The following NALCN variants were observed in gnomAD, a reference collection of about 807,000 sequenced individuals.
NALCN encodes sodium leak channel, non-selective, also known as sodium leak channel NALCN.
Under a neutral mutation model 225.3 loss-of-function variants are expected in NALCN, and 111 were observed. The ratio of observed to expected loss-of-function variants is 0.49; its 90% CI spans 0.42 to 0.58. The LOEUF (loss-of-function observed/expected upper bound fraction) is 0.58, where lower values mean the gene tolerates loss of function less well. Among genes scored for constraint, NALCN ranks in the 20% least tolerant of loss-of-function variants. The pLI, the probability that NALCN is intolerant of heterozygous loss-of-function variation, is 0.00. For synonymous variants in NALCN, 764 were observed against 769.0 expected (o/e 0.99, Z 0.11); for missense variants, 1,378 against 2,202.4 (o/e 0.63, Z 7.49).
intron 13 of NALCN, among the ~76,000 whole-genome samples, chr13:101,211,013 T>C (rs1258502541): frequency 1.3e-5 from 2 of 152,170 alleles, no homozygotes; most frequent in Non-Finnish European, 2.9e-5. Flanking sequence ...ACATTCTTTA[T>C]GCAGTAGAGC....
At chr13:101,410,409 C>T (rs2047745994) in intron 1 of NALCN, among the ~76,000 whole-genome samples, 1 of 152,132 alleles carries the variant, frequency 6.6e-6, no homozygotes, top group African/African-American at 2.4e-5. Flanking sequence ...TAATTATAAG[C>T]AACACAGGCA....
At chr13:101,184,781 C>T (rs1255285692) in intron 14 of NALCN, among the ~76,000 whole-genome samples, 1 of 152,126 alleles carries the variant, frequency 6.6e-6, no homozygotes, top group Non-Finnish European at 1.5e-5. Flanking sequence ...AATTTCTCTC[C>T]CTGCAGCAAC....
intron 12 of NALCN, among the ~76,000 whole-genome samples, chr13:101,237,189 G>T (rs542346904): frequency 8.1e-4 from 123 of 151,858 alleles, no homozygotes; most frequent in African/African-American, 2.9e-3. Context: ...TTTAAAAAAA[G>T]ATATCCAATT....
chr13:101,211,650 C>CTATATATATATATATATA (rs5806203), intron 13 of NALCN, among the ~76,000 whole-genome samples: 4 of 145,636 alleles, frequency 2.7e-5, no homozygotes, highest in African/African-American at 1.0e-4. Flanking sequence ...TGACAATAAA[C>CTATATATATATATATATA]TATATATATA....
Position 101,177,409 on chromosome 13 carries a change from G to GTATATATATATATATA in NALCN, c.1765-1051_1765-1036dup, listed in dbSNP as rs10624930. Among the ~76,000 whole-genome samples the GTATATATATATATATA allele has an allele frequency of 7.7e-3, 958 of 124,226 alleles. 32 individuals carry two copies. Among genetic ancestry groups the GTATATATATATATATA allele is most frequent in the Non-Finnish European group, 0.011 (603 of 55,122 alleles). The allele number at this position is 124,226 out of a possible 152,430, so 81.5% of individuals were successfully genotyped here. On this transcript the variant is annotated intron_variant, in intron 14 of 43. Transcript: ENST00000251127. ...AAACACATTATAACAGTAAATACGA[G>GTATATATATATATATA]TATATATATATATATATATATATGG...
chr13:101,193,018 A>T (rs1297449928), intron 13 of NALCN, among the ~76,000 whole-genome samples: 1 of 152,070 alleles, frequency 6.6e-6, no homozygotes, highest in African/African-American at 2.4e-5. Flanking sequence ...GCAAGGATGG[A>T]CTGAGACCAA....
At chr13:101,153,055 CTCT>C (rs941671700) in intron 15 of NALCN, among the ~76,000 whole-genome samples, 110 of 149,340 alleles carry the variant, frequency 7.4e-4, no homozygotes, top group Non-Finnish European at 5.7e-4. Context: ...TGTAATTTTT[CTCT>C]TTTTTTTAAT....
At chr13:101,131,309 A>G (rs542614051) in intron 17 of NALCN, among the ~76,000 whole-genome samples, 2 of 152,246 alleles carry the variant, frequency 1.3e-5, no homozygotes, top group African/African-American at 2.4e-5. Context: ...ACAGTGAGAG[A>G]CAGTATTCTG....
At chr13:101,336,829 C>G (rs1235797091) in intron 7 of NALCN, among the ~76,000 whole-genome samples, 2 of 152,076 alleles carry the variant, frequency 1.3e-5, no homozygotes, top group Non-Finnish European at 2.9e-5. Flanking sequence ...TTCAAATACA[C>G]AACAGAAATT....
intron 13 of NALCN, among the ~76,000 whole-genome samples, chr13:101,217,456 G>A (rs1239767718): frequency 2.0e-5 from 3 of 152,140 alleles, no homozygotes; most frequent in Non-Finnish European, 4.4e-5. Context: ...GGCTTGAGAT[G>A]ACAAAGTTGT....
intron 7 of NALCN, among the ~76,000 whole-genome samples, chr13:101,294,560 CTTTTTTT>C (rs10615640): frequency 1.1e-5 from 1 of 87,856 alleles, no homozygotes; most frequent in East Asian, 3.8e-4. Flanking sequence ...TTTATTGTTT[CTTTTTTT>C]TTTTTTTTTT....
In NALCN at chr13:101,253,339, T is replaced by G. The variant is rs541131145; in HGVS notation, c.1266+5104A>C. Among the ~76,000 whole-genome samples the G allele has an allele frequency of 5.9e-5, 9 of 152,292 alleles. No individual in the cohort carries two copies. In the East Asian group the frequency reaches 1.5e-3, roughly 26 times the overall value. On this transcript the variant is annotated intron_variant, in intron 11 of 43. Coordinates refer to ENST00000251127, the MANE Select transcript of NALCN (RefSeq NM_052867.4). ...GCTCTTAATGGGTAAAGTGCTTTAT[T>G]TTAGATTTTCTAAATAATTTATTCT...
intron 2 of NALCN, among the ~76,000 whole-genome samples, chr13:101,395,840 T>C (rs1291412526): frequency 2.6e-5 from 4 of 152,164 alleles, no homozygotes; most frequent in African/African-American, 7.2e-5. Flanking sequence ...TACCATAACT[T>C]CCCTAGCATC....
At position 101,062,664 on chromosome 13, in the gene NALCN, C is replaced by T. The variant is rs1474512134; in HGVS notation, c.4605-546G>A. On this transcript the variant is annotated intron_variant, in intron 40 of 43. Coordinates refer to ENST00000251127, the MANE Select transcript of NALCN (RefSeq NM_052867.4). ...TGTTGACCAGGCTGGAGTGTAATGG[C>T]GTGCTGTCAGCTCACTGCAACCTCC... Among the ~76,000 whole-genome samples, 11 of 152,210 alleles carry T rather than the reference C, an allele frequency of 7.2e-5. No individual in the cohort carries two copies. In the East Asian group the frequency reaches 1.5e-3, roughly 21 times the overall value.
At chr13:101,272,473 GAAGA>G (rs2042828241) in intron 10 of NALCN, among the ~76,000 whole-genome samples, 1 of 152,160 alleles carries the variant, frequency 6.6e-6, no homozygotes, top group Admixed American at 6.6e-5. Context: ...AAGCAATAGA[GAAGA>G]AAGAGAAACA....
At chr13:101,107,396 A>G in intron 22 of NALCN, 91 bp downstream of exon 22, 1 of 1,585,990 alleles carries the variant, frequency 6.3e-7, no homozygotes. Context: ...TGACCCCATT[A>G]GGATTACACG....
At chr13:101,406,560 T>G (rs2047632101) in intron 1 of NALCN, among the ~76,000 whole-genome samples, 1 of 152,220 alleles carries the variant, frequency 6.6e-6, no homozygotes, top group Non-Finnish European at 1.5e-5. Context: ...TTATTTTTTG[T>G]GCAAATAGTA....
At chr13:101,075,745 A>C in intron 35 of NALCN, 128 bp downstream of exon 35, 1 of 604,802 alleles carries the variant, frequency 1.7e-6, no homozygotes. Context: ...GTTAATCTTG[A>C]CTTATGATGT....
chr13:101,143,329 G>T (rs2037188076), intron 16 of NALCN, 108 bp from the exon 17 acceptor site: 1 of 1,171,482 alleles, frequency 8.5e-7, no homozygotes, highest in East Asian at 2.5e-5. Context: ...AGTGATAAAA[G>T]ATCATAGAAA....
Sources: gnomAD v4.1 joint callset for allele counts (sites outside exome capture counted in the v4.1 genomes callset) on GRCh38, gnomAD v4.1.1 for gene constraint, MANE v1.5 for transcripts, NCBI Gene and HGNC (gene_info 2026-07-23, HGNC 2026-07-21) for gene names.